HECW2: variants seen among roughly 807,000 people sequenced by gnomAD.
The protein encoded by HECW2 is E3 ubiquitin-protein ligase HECW2.
In HECW2, 61 loss-of-function variants were observed where a neutral mutation model predicts 175.2. The observed-to-expected ratio is 0.35, with a 90% CI of 0.28 to 0.43. The LOEUF (loss-of-function observed/expected upper bound fraction) is 0.43, where lower values mean the gene tolerates loss of function less well. Ranked by LOEUF, HECW2 falls within the 20% of genes least tolerant of loss-of-function variation. The probability of loss-of-function intolerance (pLI) is 1.00; values close to 1 mark genes in which losing one functional copy is unlikely to be tolerated. For missense variants in HECW2, 1,524 were observed against 2,000.5 expected (o/e 0.76, Z 4.54); for synonymous variants, 671 against 731.0 (o/e 0.92, Z 1.32).
In HECW2 at chr2:196,200,435, G is replaced by A. The variant is rs1051823652; in HGVS notation, c.*842C>T. ...TGCATGGAACATGAAAATGGAATGA[G>A]TGATACATACAGCATGATAGGTAGG... On this transcript the variant is annotated 3_prime_UTR_variant, in exon 29 of 29. Coordinates refer to ENST00000644978, the MANE Select transcript of HECW2 (RefSeq NM_001348768.2). 6.6e-6 allele frequency: 1 copy of A among 152,568 alleles called. No homozygotes were observed. Among genetic ancestry groups the A allele is most frequent in the Non-Finnish European group, 1.5e-5 (1 of 68,020 alleles). The allele number at this position is 152,568 out of a possible 1,614,324, so 9.5% of individuals were successfully genotyped here.
chr2:196,322,363 G>T, intron 7 of HECW2, 115 bp downstream of exon 7: 1 of 738,360 alleles, frequency 1.4e-6, no homozygotes, highest in East Asian at 2.7e-5. Flanking sequence ...ATTTTTAAAA[G>T]AATTGTGTTA....
intron 1 of HECW2, among the ~76,000 whole-genome samples, chr2:196,500,753 AC>A (rs1687551330): frequency 6.6e-6 from 1 of 152,180 alleles, no homozygotes; most frequent in South Asian, 2.1e-4. Context: ...ACTTATCTAG[AC>A]TATACTGGAT....
At chr2:196,370,044 G>C (rs533524828) in intron 2 of HECW2, among the ~76,000 whole-genome samples, 1 of 151,922 alleles carries the variant, frequency 6.6e-6, no homozygotes, top group Non-Finnish European at 1.5e-5. Flanking sequence ...TAAGCAGTAA[G>C]ACAAAGTCCC....
intron 1 of HECW2, among the ~76,000 whole-genome samples, chr2:196,484,673 C>A (rs908014033): frequency 6.6e-6 from 1 of 152,132 alleles, no homozygotes; most frequent in African/African-American, 2.4e-5. Flanking sequence ...TAAACTAAGT[C>A]TTTTTGGGTA....
At chr2:196,538,260 T>C (rs1358651552) in intron 1 of HECW2, among the ~76,000 whole-genome samples, 1 of 152,212 alleles carries the variant, frequency 6.6e-6, no homozygotes, top group Non-Finnish European at 1.5e-5. Flanking sequence ...CCAGTGGCTG[T>C]CAATTTTTAG....
chr2:196,498,736 A>T (rs1286214887), intron 1 of HECW2, among the ~76,000 whole-genome samples: 1 of 152,186 alleles, frequency 6.6e-6, no homozygotes, highest in East Asian at 1.9e-4. Context: ...TTAAACTCTA[A>T]CCAGTCATTG....
At chr2:196,563,756 A>C (rs1690086712) in intron 1 of HECW2, among the ~76,000 whole-genome samples, 1 of 152,182 alleles carries the variant, frequency 6.6e-6, no homozygotes, top group Non-Finnish European at 1.5e-5. Flanking sequence ...TAACTTAAAA[A>C]TCCATGAATC....
chr2:196,567,119 C>T (rs534086580), intron 1 of HECW2, among the ~76,000 whole-genome samples: 1 of 152,302 alleles, frequency 6.6e-6, no homozygotes, highest in South Asian at 2.1e-4. Flanking sequence ...ACATCTTGTG[C>T]TTCCCTCTGT....
intron 1 of HECW2, among the ~76,000 whole-genome samples, chr2:196,455,413 G>A (rs558811652): frequency 1.3e-5 from 2 of 152,224 alleles, no homozygotes; most frequent in Non-Finnish European, 2.9e-5. Flanking sequence ...ATATCTTCCT[G>A]ATTTATTTTT....
chr2:196,515,180 C>T (rs545838757), intron 1 of HECW2, among the ~76,000 whole-genome samples: 2 of 152,340 alleles, frequency 1.3e-5, no homozygotes, highest in Admixed American at 6.5e-5. Context: ...CCTGTGCTGG[C>T]GCCTGGAGCT....
intron 1 of HECW2, among the ~76,000 whole-genome samples, chr2:196,557,520 T>C (rs1027613887): frequency 6.6e-6 from 1 of 152,102 alleles, no homozygotes; most frequent in Non-Finnish European, 1.5e-5. Context: ...TGCACAAAAG[T>C]GTATACAGCT....
At chr2:196,299,773 C>CA (rs1426422165) in intron 13 of HECW2, among the ~76,000 whole-genome samples, 2 of 151,994 alleles carry the variant, frequency 1.3e-5, no homozygotes, top group Admixed American at 1.3e-4. Flanking sequence ...ACTAAAAATA[C>CA]AAAAAATTAG....
rs531432088 is a variant in HECW2, at chr2:196,568,778, C to T, written c.-36+24730G>A. Among the ~76,000 whole-genome samples the T allele has an allele frequency of 2.0e-3, 297 of 152,268 alleles. 12 individuals carry two copies. The South Asian group carries it at 0.057, about 29-fold the overall frequency. ...CTTACTAACTTCTTGAAGAGCACTA[C>T]GCCCACTAAACCATCAACAAGTATA... is the stretch of plus-strand genomic sequence containing the variant. On this transcript the variant is annotated intron_variant, in intron 1 of 28. Coordinates refer to ENST00000644978, the MANE Select transcript of HECW2 (RefSeq NM_001348768.2).
intron 21 of HECW2, among the ~76,000 whole-genome samples, chr2:196,231,081 G>A (rs187697750): frequency 7.3e-4 from 73 of 99,742 alleles, no homozygotes; most frequent in East Asian, 1.0e-3. Context: ...CGACAGAGCA[G>A]GACTCCGTCT....
intron 1 of HECW2, among the ~76,000 whole-genome samples, chr2:196,547,538 G>A (rs570662841): frequency 6.6e-6 from 1 of 152,166 alleles, no homozygotes; most frequent in Non-Finnish European, 1.5e-5. Flanking sequence ...CATGTCTGAG[G>A]GTGGGGGCAT....
At chr2:196,572,775 T>A (rs1477309940) in intron 1 of HECW2, among the ~76,000 whole-genome samples, 3 of 152,088 alleles carry the variant, frequency 2.0e-5, no homozygotes, top group Non-Finnish European at 4.4e-5. Flanking sequence ...GTTAGCTAGC[T>A]CCCTTTTTGC....
intron 1 of HECW2, among the ~76,000 whole-genome samples, chr2:196,538,294 C>T (rs1050477012): frequency 6.6e-6 from 1 of 152,118 alleles, no homozygotes; most frequent in African/African-American, 2.4e-5. Context: ...ACTTGGAGAG[C>T]TTGTTTAAAA....
At chr2:196,301,147 T>G (rs542178138) in intron 13 of HECW2, among the ~76,000 whole-genome samples, 2 of 151,934 alleles carry the variant, frequency 1.3e-5, no homozygotes, top group South Asian at 4.1e-4. Flanking sequence ...CTGTTTGTGT[T>G]TTAGTTTGCT....
Position 196,362,050 on chromosome 2 carries a change from G to T in HECW2, c.293-18286C>A, listed in dbSNP as rs144376443. 3.8e-4 allele frequency: 377 copies of T among 985,268 alleles called. 2 individuals carry two copies. The African/African-American group carries it at 5.7e-3, about 15-fold the overall frequency. 61.0% of individuals were successfully genotyped at this position (985,268 alleles called of 1,614,324 possible). ...CTGCTTCTCTTCCTCTTCCCCCAAA[G>T]TTCTAGAAATGAAATACTAGACAGG... On this transcript the variant is annotated intron_variant, in intron 2 of 28. Transcript: ENST00000644978.
Sources: allele counts gnomAD v4.1 joint callset (sites outside exome capture counted in the v4.1 genomes callset), GRCh38; gene constraint gnomAD v4.1.1; transcripts MANE v1.5; gene names NCBI Gene and HGNC (gene_info 2026-07-23, HGNC 2026-07-21).